CDKAL1: variants seen among roughly 807,000 people sequenced by gnomAD.
The protein encoded by CDKAL1 is CDKAL1 threonylcarbamoyladenosine tRNA methylthiotransferase.
Under a neutral mutation model 68.2 loss-of-function variants are expected in CDKAL1, and 32 were observed. That is an observed-to-expected ratio of 0.47 (90% confidence interval 0.35 to 0.63). The LOEUF (loss-of-function observed/expected upper bound fraction) is 0.63. CDKAL1 is among the 30% of genes least tolerant of loss of function. The pLI is 0.00. For synonymous variants in CDKAL1, 234 were observed against 244.3 expected (o/e 0.96, Z 0.39); for missense variants, 606 against 696.7 (o/e 0.87, Z 1.47).
intron 10 of CDKAL1, among the ~76,000 whole-genome samples, chr6:20,974,600 G>A (rs946449240): frequency 1.3e-5 from 2 of 152,012 alleles, no homozygotes; most frequent in African/African-American, 4.8e-5. Context: ...ATATCGTAAG[G>A]TTTCTATTTT....
chr6:20,728,123 T>C (rs1210145972), intron 5 of CDKAL1, among the ~76,000 whole-genome samples: 3 of 152,232 alleles, frequency 2.0e-5, no homozygotes, highest in African/African-American at 4.8e-5. Flanking sequence ...TGTTTATTAA[T>C]GTACAAATAA....
intron 4 of CDKAL1, among the ~76,000 whole-genome samples, chr6:20,641,113 C>A (rs2127751433): frequency 6.6e-6 from 1 of 152,148 alleles, no homozygotes; most frequent in South Asian, 2.1e-4. Context: ...TTCGGTGAGT[C>A]CAAAAGCTTT....
intron 6 of CDKAL1, among the ~76,000 whole-genome samples, chr6:20,746,308 G>T (rs1773662765): frequency 6.6e-6 from 1 of 152,182 alleles, no homozygotes; most frequent in Non-Finnish European, 1.5e-5. Context: ...TGTTGAAAGG[G>T]CTATTTCTAC....
Position 20,955,413 on chromosome 6 carries a change from TCA to T in CDKAL1, c.743-3_743-2del. ...AGATTTGTTAATTATCTCTTTTGAT[TCA>T]CAGAGGGTGTTTGTGAGATATGGTT... On this transcript the variant is annotated splice_region_variant and splice_polypyrimidine_tract_variant and intron_variant, in intron 9 of 15. Coordinates refer to ENST00000274695, the MANE Select transcript of CDKAL1 (RefSeq NM_017774.3). The T allele has an allele frequency of 1.9e-6, 3 of 1,613,762 alleles. No individual in the cohort carries two copies. The highest frequency in any genetic ancestry group is 2.5e-6 in the Non-Finnish European group (3 of 1,179,852).
At chr6:20,978,370 G>A (rs1327259842) in intron 10 of CDKAL1, among the ~76,000 whole-genome samples, 1 of 152,152 alleles carries the variant, frequency 6.6e-6, no homozygotes, top group Non-Finnish European at 1.5e-5. Flanking sequence ...AGCTGTTTCT[G>A]TTATGATTAA....
At chr6:20,607,150 C>CA (rs1165178374) in intron 4 of CDKAL1, among the ~76,000 whole-genome samples, 1 of 151,750 alleles carries the variant, frequency 6.6e-6, no homozygotes, top group East Asian at 1.9e-4. Flanking sequence ...AGTAAAAGGG[C>CA]AAAAAAGAAA....
chr6:20,773,037 A>G (rs1197794675), intron 7 of CDKAL1: 1 of 152,186 alleles, frequency 6.6e-6, no homozygotes, highest in African/African-American at 2.4e-5. Context: ...CATTGCTGTC[A>G]TTAACAAACT....
At chr6:20,979,232 T>C (rs1002439581) in intron 10 of CDKAL1, among the ~76,000 whole-genome samples, 3 of 152,200 alleles carry the variant, frequency 2.0e-5, no homozygotes, top group Non-Finnish European at 4.4e-5. Flanking sequence ...CTTGAGCACA[T>C]TGACTCTTGG....
chr6:21,106,864 TAGA>T (rs933794424), intron 12 of CDKAL1, among the ~76,000 whole-genome samples: 2 of 151,862 alleles, frequency 1.3e-5, no homozygotes, highest in African/African-American at 4.8e-5. Context: ...TGTGTGTGCG[TAGA>T]AGATTTGGAC....
chr6:20,941,159 T>TA (rs11409601), intron 9 of CDKAL1, among the ~76,000 whole-genome samples: 116,662 of 151,830 alleles, frequency 0.77, 45,151 homozygotes, highest in East Asian at 0.88. Context: ...ATCAGCCACA[T>TA]ATGGCTTGTG....
At chr6:20,904,622 T>C (rs915121795) in intron 9 of CDKAL1, among the ~76,000 whole-genome samples, 1 of 152,098 alleles carries the variant, frequency 6.6e-6, no homozygotes, top group African/African-American at 2.4e-5. Context: ...AAACCCCATC[T>C]CTACTAAAAA....
At chr6:20,984,226 A>G (rs1460943476) in intron 10 of CDKAL1, among the ~76,000 whole-genome samples, 1 of 152,206 alleles carries the variant, frequency 6.6e-6, no homozygotes, top group Non-Finnish European at 1.5e-5. Flanking sequence ...CAGGAACTAG[A>G]GTGCACAGGC....
intron 13 of CDKAL1, among the ~76,000 whole-genome samples, chr6:21,165,773 G>A (rs983932590): frequency 4.6e-5 from 7 of 152,166 alleles, no homozygotes; most frequent in Admixed American, 4.6e-4. Context: ...TGTACTCTGC[G>A]ATGACAGCAC....
chr6:21,177,410 A>T (rs13219198), intron 13 of CDKAL1, among the ~76,000 whole-genome samples: 1 of 152,236 alleles, frequency 6.6e-6, no homozygotes, highest in Non-Finnish European at 1.5e-5. Context: ...TATCAAATAC[A>T]TTAAGAACTA....
intron 9 of CDKAL1, among the ~76,000 whole-genome samples, chr6:20,866,426 A>G (rs144481723): frequency 3.3e-5 from 5 of 152,336 alleles, no homozygotes; most frequent in Non-Finnish European, 7.4e-5. Flanking sequence ...ATATCTGTCA[A>G]ATATCAAATA....
intron 4 of CDKAL1, among the ~76,000 whole-genome samples, chr6:20,614,666 T>TA (rs1451622493): frequency 6.6e-6 from 1 of 152,212 alleles, no homozygotes; most frequent in Non-Finnish European, 1.5e-5. Context: ...TCCTTTTACT[T>TA]ATGTTTTTGC....
At chr6:20,940,836 A>G (rs1215551128) in intron 9 of CDKAL1, among the ~76,000 whole-genome samples, 1 of 152,216 alleles carries the variant, frequency 6.6e-6, no homozygotes, top group East Asian at 1.9e-4. Flanking sequence ...CACGCCTGTA[A>G]TCCCAGCACT....
chr6:20,616,096 T>C (rs1766883581), intron 4 of CDKAL1, among the ~76,000 whole-genome samples: 2 of 148,724 alleles, frequency 1.3e-5, no homozygotes, highest in South Asian at 2.2e-4. Flanking sequence ...GTTGTAGATA[T>C]GCGGCGTTAT....
chr6:20,914,229 G>A (rs1762617118), intron 9 of CDKAL1, among the ~76,000 whole-genome samples: 1 of 151,686 alleles, frequency 6.6e-6, no homozygotes, highest in Non-Finnish European at 1.5e-5. Flanking sequence ...GGCGCAGCTT[G>A]CAGTGAGCCA....
Sources: gnomAD v4.1 joint callset for allele counts (sites outside exome capture counted in the v4.1 genomes callset) on GRCh38, gnomAD v4.1.1 for gene constraint, MANE v1.5 for transcripts, NCBI Gene and HGNC (gene_info 2026-07-23, HGNC 2026-07-21) for gene names.